Variants in ITGAD observed in about 807,000 individuals in gnomAD.
The protein encoded by ITGAD is integrin alpha-D.
ITGAD carries 105 observed loss-of-function variants against 139.0 expected under a neutral mutation model. That is an observed-to-expected ratio of 0.76 (90% CI 0.65 to 0.89). The LOEUF is 0.89. Among genes scored for constraint, ITGAD ranks in the 40% least tolerant of loss-of-function variants. ITGAD has a pLI of 0.00. For synonymous variants in ITGAD, 569 were observed against 598.3 expected, an observed-to-expected ratio of 0.95 and a Z score of 0.71; for missense variants, 1,384 against 1,487.3, an observed-to-expected ratio of 0.93 and a Z score of 1.14.
chr16:31,403,295 G>C lies in ITGAD; in HGVS notation c.559-205G>C. On this transcript the variant is annotated intron_variant, in intron 6 of 29. Transcript: ENST00000389202. This position sits in a 1 kb window ranked among gnomAD's most constrained non-coding sequence, Gnocchi z 4.4. The stretch of plus-strand genomic sequence containing the variant: ...TCGAGACCAGCCTGGGCAACATAGT[G>C]AGACCTTGTCTCTACCAAAAACAAA... The C allele has an allele frequency of 1.8e-6, 1 of 561,340 alleles. No individual in the cohort carries two copies. Among genetic ancestry groups the C allele is most frequent in the Non-Finnish European group, 3.1e-6 (1 of 320,894 alleles). The allele number at this position is 561,340 out of a possible 1,614,324, so 34.8% of individuals were successfully genotyped here.
At chr16:31,415,014 A>G (rs772786016) in intron 18 of ITGAD, 23 bp downstream of exon 18, 13 of 1,613,212 alleles carry the variant, frequency 8.1e-6, no homozygotes, top group Non-Finnish European at 9.3e-6. Flanking sequence ...ATGAAGTCCC[A>G]GGGATGTGCT....
chr16:31,413,460 T>C (rs1183265585), intron 16 of ITGAD, among the ~76,000 whole-genome samples: 2 of 152,046 alleles, frequency 1.3e-5, no homozygotes, highest in Admixed American at 6.5e-5. Context: ...AGTTCTCTCC[T>C]GGGCCCCAGC....
At position 31,426,005 on chromosome 16, in the gene ITGAD, C is replaced by A. The variant is rs767334031; in HGVS notation, c.3373-10C>A. On this transcript the variant is annotated splice_polypyrimidine_tract_variant and intron_variant, in intron 29 of 29. Transcript: ENST00000389202. ...CTTACCCAGCTTTTCTAATTTATTT[C>A]CCCTGATAGCTTGGCTTCTTCAAAC... 4 of 1,595,174 alleles carry A rather than the reference C, an allele frequency of 2.5e-6. No homozygotes were observed. In the South Asian group the frequency reaches 4.4e-5, roughly 18 times the overall value.
chr16:31,422,119 TTG>T (rs1555488672), intron 23 of ITGAD, among the ~76,000 whole-genome samples: 1 of 150,206 alleles, frequency 6.7e-6, no homozygotes, highest in African/African-American at 2.4e-5. Flanking sequence ...TTTTTTTTTT[TTG>T]CAGAGACGAG....
chr16:31,413,464 C>G (rs74015522), intron 16 of ITGAD, among the ~76,000 whole-genome samples: 8,645 of 152,210 alleles, frequency 0.057, 545 homozygotes, highest in African/African-American at 0.16. Context: ...CTCTCCTGGG[C>G]CCCAGCCACT....
Position 31,418,199 on chromosome 16 carries a change from C to G in ITGAD, c.2616+8C>G. The G allele has an allele frequency of 1.2e-6, 2 of 1,611,118 alleles. No individual in the cohort carries two copies. Among genetic ancestry groups the G allele is most frequent in the Non-Finnish European group, 1.7e-6 (2 of 1,177,250 alleles). On this transcript the variant is annotated splice_region_variant and intron_variant, in intron 21 of 29. Transcript: ENST00000389202. ...TTCCATGAGGGCTCTAACGTCAGTG[C>G]TTCTCCCTAAATCCCCATCACTGTC...
rs1457100441 is a variant in ITGAD at position 31,403,770 on chromosome 16, G to C, written c.704+125G>C. ...GAAAGGGGCTACCAAGGGGCATGTCGGGGCTGCAGGGAGAACCTCCCCCCG... is the reference window on the plus strand; with the variant it reads ...GAAAGGGGCTACCAAGGGGCATGTCCGGGCTGCAGGGAGAACCTCCCCCCG... On this transcript the variant is annotated intron_variant, in intron 7 of 29. Transcript: ENST00000389202. The surrounding 1 kb of genome is among the most constrained non-coding windows in gnomAD (Gnocchi z 4.4). 3.2e-6 allele frequency: 4 copies of C among 1,244,316 alleles called. No individual in the cohort carries two copies. Among genetic ancestry groups the C allele is most frequent in the Non-Finnish European group, 4.5e-6 (4 of 893,724 alleles). 77.1% of individuals were successfully genotyped at this position (1,244,316 alleles called of 1,614,324 possible).
In ITGAD at chr16:31,403,995, C is replaced by T. The variant is rs2081474764; in HGVS notation, c.704+350C>T. The T allele has an allele frequency of 3.3e-6, 1 of 298,906 alleles. No homozygotes were observed. Among genetic ancestry groups the T allele is most frequent in the Non-Finnish European group, 6.4e-6 (1 of 155,524 alleles). 18.5% of individuals were successfully genotyped at this position (298,906 alleles called of 1,614,324 possible). A position where few individuals can be genotyped will look rare whatever the true frequency, so the allele number is the denominator to read the frequency against. On this transcript the variant is annotated intron_variant, in intron 7 of 29. Transcript: ENST00000389202. The surrounding 1 kb of genome is among the most constrained non-coding windows in gnomAD (Gnocchi z 4.4). Reference sequence around the variant, plus strand: ...CCCGTGAGCTACTCTGGGTGTAACCCTGGGGTGATGGGCTCTAAGTCTCAG... The same window carrying T: ...CCCGTGAGCTACTCTGGGTGTAACCTTGGGGTGATGGGCTCTAAGTCTCAG...
At chr16:31,395,160 T>G (rs1310854485) in intron 2 of ITGAD, among the ~76,000 whole-genome samples, 1 of 151,726 alleles carries the variant, frequency 6.6e-6, no homozygotes, top group African/African-American at 2.4e-5. Context: ...CTACTAAAAA[T>G]GCAAAAAAAA....
rs34475127 is a variant in ITGAD, at chr16:31,397,688, C to CGGGGG, written c.312+25_312+29dup. The CGGGGG allele has an allele frequency of 2.2e-4, 37 of 170,346 alleles. No individual in the cohort carries two copies. The Admixed American group carries it at 2.4e-3, about 11-fold the overall frequency. 10.6% of individuals were successfully genotyped at this position (170,346 alleles called of 1,614,324 possible). On this transcript the variant is annotated intron_variant, in intron 4 of 29. Transcript: ENST00000389202. The stretch of plus-strand genomic sequence containing the variant: ...CCTGGTGAGTGAGTGTCTTGGGCCA[C>CGGGGG]GGGGGGGTGGGGTGGGGCGGGGGGT...
chr16:31,406,098 G>A (rs1320782595), intron 7 of ITGAD, among the ~76,000 whole-genome samples: 8 of 148,924 alleles, frequency 5.4e-5, no homozygotes, highest in African/African-American at 2.0e-4. Context: ...TTTTTGAGAC[G>A]GAGTCTTGCT....
intron 21 of ITGAD, 30 bp from the exon 22 acceptor site, chr16:31,418,271 A>G (rs953177421): frequency 5.6e-6 from 9 of 1,609,908 alleles, no homozygotes; most frequent in Non-Finnish European, 7.7e-6. Flanking sequence ...CCTTCCTTTT[A>G]TCCCCATTCT....
chr16:31,397,693 G>T, intron 4 of ITGAD, 27 bp downstream of exon 4: 3 of 1,512,136 alleles, frequency 2.0e-6, no homozygotes, highest in East Asian at 2.3e-5. Flanking sequence ...GGCCACGGGG[G>T]GGTGGGGTGG....
chr16:31,413,586 C>T (rs1183362953), intron 16 of ITGAD, among the ~76,000 whole-genome samples: 1 of 152,126 alleles, frequency 6.6e-6, no homozygotes, highest in Non-Finnish European at 1.5e-5. Context: ...GAACTAGAGT[C>T]GACTGGTCCT....
rs1037508537 is a variant in ITGAD at position 31,426,337 on chromosome 16, G to C, written c.*209G>C. The C allele has an allele frequency of 2.7e-5, 14 of 509,892 alleles. No homozygotes were observed. In the Admixed American group the frequency reaches 3.1e-4, roughly 11 times the overall value. 31.6% of individuals were successfully genotyped at this position (509,892 alleles called of 1,614,324 possible). A position where few individuals can be genotyped will look rare whatever the true frequency, so the allele number is the denominator to read the frequency against. On this transcript the variant is annotated 3_prime_UTR_variant, in exon 30 of 30. Coordinates refer to ENST00000389202, the MANE Select transcript of ITGAD (RefSeq NM_005353.3). ...AATGACCCACTTTTTACAGAAGCAG[G>C]CATGGTGCCAGCATAAATTTTCATA...
chr16:31,424,597 C>CA lies in ITGAD; in HGVS notation c.3372+20_3372+21insA. The CA allele has an allele frequency of 1.7e-6, 2 of 1,201,018 alleles. No homozygotes were observed. Among genetic ancestry groups the CA allele is most frequent in the Non-Finnish European group, 2.3e-6 (2 of 871,612 alleles). The allele number at this position is 1,201,018 out of a possible 1,614,324, so 74.4% of individuals were successfully genotyped here. ...TACAAGGCAAGTGTTTTATCCAACT[C>CA]TTTTTTTTTTTTTTTTGAGATGGAG... On this transcript the variant is annotated intron_variant, in intron 29 of 29. Coordinates refer to ENST00000389202, the MANE Select transcript of ITGAD (RefSeq NM_005353.3).
intron 7 of ITGAD, chr16:31,404,588 C>T (rs545723380): frequency 2.0e-5 from 3 of 152,700 alleles, no homozygotes; most frequent in African/African-American, 7.2e-5. Flanking sequence ...CACCTCACCC[C>T]TCAAAGTTCT....
At chr16:31,424,345 T>C in intron 28 of ITGAD, 122 bp from the exon 29 acceptor site, 2 of 1,250,326 alleles carry the variant, frequency 1.6e-6, no homozygotes, top group African/African-American at 1.5e-5. Context: ...AGGGCACGGG[T>C]GCTACTGTGT....
At position 31,412,977 on chromosome 16, in the gene ITGAD, TC is replaced by T; in HGVS notation, c.1838+13del. 1.2e-6 allele frequency: 2 copies of T among 1,601,968 alleles called. No individual in the cohort carries two copies. The highest frequency in any genetic ancestry group is 1.3e-5 in the African/African-American group (1 of 74,718). On this transcript the variant is annotated intron_variant, in intron 15 of 29. Transcript: ENST00000389202. ...CAGGTGCTCCTGCTCAGGTAGCGAC[TC>T]CCCAACATCCTGCCCTCCCGCGCTG...
Sources: gnomAD v4.1 joint callset for allele counts (sites outside exome capture counted in the v4.1 genomes callset) on GRCh38, gnomAD v4.1.1 for gene constraint, Gnocchi (gnomAD v3.1) non-coding constraint, MANE v1.5 for transcripts, NCBI Gene and HGNC (gene_info 2026-07-23, HGNC 2026-07-21) for gene names.